The following NR3C2 variants were observed in gnomAD, a reference collection of about 807,000 sequenced individuals.
NR3C2 encodes the protein mineralocorticoid receptor.
Under a neutral mutation model 86.4 loss-of-function variants are expected in NR3C2, and 15 were observed. That is an observed-to-expected ratio of 0.17 (90% confidence interval 0.12 to 0.27). The LOEUF is 0.27. NR3C2 is among the 10% of genes least tolerant of loss of function. The pLI is 1.00. For synonymous variants in NR3C2, 458 were observed against 450.5 expected, an observed-to-expected ratio of 1.02 and a Z score of -0.21; for missense variants, 960 against 1,195.6, an observed-to-expected ratio of 0.80 and a Z score of 2.91.
chr4:148,306,934 G>A (rs959635763), intron 2 of NR3C2, among the ~76,000 whole-genome samples: 19 of 152,048 alleles, frequency 1.2e-4, no homozygotes, highest in South Asian at 1.2e-3. Context: ...TAGAATTAAT[G>A]GATTAAATGT....
intron 2 of NR3C2, among the ~76,000 whole-genome samples, chr4:148,426,244 C>A (rs533194117): frequency 6.6e-6 from 1 of 152,306 alleles, no homozygotes; most frequent in East Asian, 1.9e-4. Context: ...ACTCCTTAGC[C>A]AATCACAATC....
chr4:148,172,590 A>G (rs1287419682), intron 4 of NR3C2, among the ~76,000 whole-genome samples: 1 of 152,168 alleles, frequency 6.6e-6, no homozygotes, highest in Non-Finnish European at 1.5e-5. Context: ...TGTGTCTTTA[A>G]TAACTGTAGA....
At chr4:148,315,436 A>T (rs1181965588) in intron 2 of NR3C2, among the ~76,000 whole-genome samples, 1 of 151,782 alleles carries the variant, frequency 6.6e-6, no homozygotes, top group Non-Finnish European at 1.5e-5. Flanking sequence ...TGAACCCCTC[A>T]CTCTCTGTCT....
At chr4:148,323,515 G>GCTA (rs1388197931) in intron 2 of NR3C2, among the ~76,000 whole-genome samples, 2 of 149,848 alleles carry the variant, frequency 1.3e-5, no homozygotes, top group East Asian at 3.9e-4. Flanking sequence ...AGACTGCTGT[G>GCTA]CTAGCAATCA....
chr4:148,429,022 C>T (rs932343762), intron 2 of NR3C2, among the ~76,000 whole-genome samples: 2 of 152,174 alleles, frequency 1.3e-5, no homozygotes, highest in African/African-American at 4.8e-5. Flanking sequence ...CAGCCCACCA[C>T]GCGGCTCAAC....
intron 2 of NR3C2, among the ~76,000 whole-genome samples, chr4:148,357,147 C>T (rs1274341731): frequency 6.6e-6 from 1 of 152,032 alleles, no homozygotes; most frequent in Non-Finnish European, 1.5e-5. Context: ...GTGTGTGTTC[C>T]AAGGCTGATC....
chr4:148,200,208 G>A (rs552540460), intron 3 of NR3C2, among the ~76,000 whole-genome samples: 3 of 152,262 alleles, frequency 2.0e-5, no homozygotes, highest in South Asian at 2.1e-4. Context: ...TCCAGAGGTC[G>A]CCAATGCCCT....
chr4:148,418,936 T>C (rs919045109), intron 2 of NR3C2, among the ~76,000 whole-genome samples: 1 of 152,122 alleles, frequency 6.6e-6, no homozygotes, highest in Non-Finnish European at 1.5e-5. Flanking sequence ...ATTCTCCCAT[T>C]TACCAAGATT....
chr4:148,240,789 G>A (rs921570130), intron 3 of NR3C2, among the ~76,000 whole-genome samples: 16 of 152,120 alleles, frequency 1.1e-4, no homozygotes, highest in Admixed American at 5.9e-4. Flanking sequence ...ACATCTGCCC[G>A]TCCTTGCTGC....
chr4:148,079,214 T>A lies in NR3C2; in HGVS notation c.*2130A>T, dbSNP rs1730429561. On this transcript the variant is annotated 3_prime_UTR_variant, in exon 9 of 9. Coordinates refer to ENST00000358102, the MANE Select transcript of NR3C2 (RefSeq NM_000901.5). The stretch of plus-strand genomic sequence containing the variant: ...AGCAACTCCCAGTCTGCATGCTGTG[T>A]ATTTATTACCTTCAAAGTGTGGCTT... 1 of 152,262 alleles carries A rather than the reference T, an allele frequency of 6.6e-6. No individual in the cohort carries two copies. The highest frequency in any genetic ancestry group is 1.5e-5 in the Non-Finnish European group (1 of 68,052). 9.4% of individuals were successfully genotyped at this position (152,262 alleles called of 1,614,324 possible). A position where few individuals can be genotyped will look rare whatever the true frequency, so the allele number is the denominator to read the frequency against.
At chr4:148,287,630 T>G (rs1486804594) in intron 2 of NR3C2, among the ~76,000 whole-genome samples, 3 of 152,146 alleles carry the variant, frequency 2.0e-5, no homozygotes, top group Admixed American at 1.3e-4. Flanking sequence ...AAAAGAAAAC[T>G]ATTTGATAAA....
chr4:148,256,163 T>C (rs910092741), intron 3 of NR3C2, among the ~76,000 whole-genome samples: 5 of 152,324 alleles, frequency 3.3e-5, no homozygotes, highest in Non-Finnish European at 7.3e-5. Context: ...CAGTCTGCAC[T>C]GGAAAAGCCC....
At chr4:148,253,428 TAGAA>T (rs2149863172) in intron 3 of NR3C2, among the ~76,000 whole-genome samples, 1 of 152,284 alleles carries the variant, frequency 6.6e-6, no homozygotes, top group East Asian at 1.9e-4. Flanking sequence ...AAGTTGGAAA[TAGAA>T]GGAGAGAGAC....
At chr4:148,177,509 T>G (rs913401299) in intron 4 of NR3C2, among the ~76,000 whole-genome samples, 3 of 152,116 alleles carry the variant, frequency 2.0e-5, no homozygotes, top group African/African-American at 7.2e-5. Context: ...ATGGGGAAAA[T>G]AGGATGTCTG....
intron 2 of NR3C2, among the ~76,000 whole-genome samples, chr4:148,392,401 A>C (rs1747633564): frequency 6.6e-6 from 1 of 152,256 alleles, no homozygotes; most frequent in Non-Finnish European, 1.5e-5. Flanking sequence ...TGTCTCTGAA[A>C]TATTTGCTGT....
At chr4:148,139,724 G>A (rs1733521916) in intron 6 of NR3C2, among the ~76,000 whole-genome samples, 1 of 152,124 alleles carries the variant, frequency 6.6e-6, no homozygotes, top group African/African-American at 2.4e-5. Context: ...AGCAGGCCGA[G>A]GGTCTCCAAA....
At chr4:148,443,060 C>G, upstream of NR3C2, 1 of 797,690 alleles carries the variant, frequency 1.3e-6, no homozygotes, top group Non-Finnish European at 1.5e-6. Context: ...TCTCCCAGCC[C>G]CTTTCCACTG....
chr4:148,156,009 G>A (rs1420428328), intron 4 of NR3C2, among the ~76,000 whole-genome samples: 2 of 152,106 alleles, frequency 1.3e-5, no homozygotes, highest in African/African-American at 2.4e-5. Context: ...CAAGCAATGG[G>A]GAAAGGATTC....
chr4:148,328,876 T>C lies in NR3C2; in HGVS notation c.1758-68759A>G, dbSNP rs899334045. On this transcript the variant is annotated intron_variant, in intron 2 of 8. Transcript: ENST00000358102. ...TGAGTCCAGATGAATTCTTGGTGAT[T>C]TCAAAGCCAGACTTCAATGTGCAGG... 2.6e-5 allele frequency among the ~76,000 whole-genome samples: 4 copies of C among 152,176 alleles called. No homozygotes were observed. The East Asian group carries it at 7.7e-4, about 29-fold the overall frequency.
Sources: gnomAD v4.1 joint callset for allele counts (sites outside exome capture counted in the v4.1 genomes callset) on GRCh38, gnomAD v4.1.1 for gene constraint, MANE v1.5 for transcripts, NCBI Gene and HGNC (gene_info 2026-07-23, HGNC 2026-07-21) for gene names.